Variants in SLC35D4 observed in about 807,000 individuals in gnomAD.
SLC35D4 encodes solute carrier family 35 member D4, also known as UDP-N-acetylglucosamine transporter SLC35D4.
At chr18:23,396,707 A>G in the SLC35D4 span, among the ~76,000 whole-genome samples, 1 of 152,120 alleles carries the variant, frequency 6.6e-6, no homozygotes, top group South Asian at 2.1e-4. Context: ...TGAGCCCAAG[A>G]GTTTGAGGCC....
chr18:23,294,629 C>A, the SLC35D4 span, among the ~76,000 whole-genome samples: 1 of 152,000 alleles, frequency 6.6e-6, no homozygotes, highest in Admixed American at 6.6e-5. Context: ...TGGAGTGGTA[C>A]GTGCCTGTAG....
chr18:23,355,217 C>T, the SLC35D4 span, among the ~76,000 whole-genome samples: 1 of 152,096 alleles, frequency 6.6e-6, no homozygotes, highest in Non-Finnish European at 1.5e-5. Context: ...TAAAACAAAA[C>T]CCTGATTTAT....
At chr18:23,388,770 T>C in the SLC35D4 span, among the ~76,000 whole-genome samples, 1 of 152,200 alleles carries the variant, frequency 6.6e-6, no homozygotes, top group East Asian at 1.9e-4. Context: ...GCTGTTCTTA[T>C]GATAGTGGTT....
the SLC35D4 span, among the ~76,000 whole-genome samples, chr18:23,343,572 T>A: frequency 6.6e-6 from 1 of 152,146 alleles, no homozygotes; most frequent in African/African-American, 2.4e-5. Flanking sequence ...TATTTTTTGT[T>A]AACTTTTAGG....
At chr18:23,257,452 G>A in the SLC35D4 span, 2 of 1,417,246 alleles carry the variant, frequency 1.4e-6, no homozygotes, top group Non-Finnish European at 1.9e-6. Context: ...AAAAAAAGTA[G>A]AACTCAGAAT....
chr18:23,408,301 A>G, the SLC35D4 span, among the ~76,000 whole-genome samples: 3 of 152,192 alleles, frequency 2.0e-5, no homozygotes, highest in South Asian at 6.2e-4. Flanking sequence ...CACAAGGGCA[A>G]CAATCTTTGT....
the SLC35D4 span, among the ~76,000 whole-genome samples, chr18:23,403,621 T>C: frequency 6.6e-6 from 1 of 152,186 alleles, no homozygotes; most frequent in Non-Finnish European, 1.5e-5. Context: ...CTGGCTGTAG[T>C]ACGGAGAACA....
At chr18:23,372,284 G>C in the SLC35D4 span, among the ~76,000 whole-genome samples, 1 of 152,128 alleles carries the variant, frequency 6.6e-6, no homozygotes, top group Admixed American at 6.5e-5. Flanking sequence ...CCCTCTCCTA[G>C]ATTGCACATT....
the SLC35D4 span, among the ~76,000 whole-genome samples, chr18:23,272,644 AC>A: frequency 7.5e-4 from 114 of 151,894 alleles, no homozygotes; most frequent in Middle Eastern, 0.01. Flanking sequence ...AAGAACCAAA[AC>A]CTTTTATCCT....
At chr18:23,276,817 T>C in the SLC35D4 span, among the ~76,000 whole-genome samples, 1 of 151,834 alleles carries the variant, frequency 6.6e-6, no homozygotes, top group African/African-American at 2.4e-5. Flanking sequence ...TTGCCAGGAG[T>C]GGTAGCCAAA....
At chr18:23,287,645 C>T in the SLC35D4 span, among the ~76,000 whole-genome samples, 89,733 of 151,594 alleles carry the variant, frequency 0.59, 27,045 homozygotes, top group Middle Eastern at 0.7. Context: ...AAAACCATTA[C>T]ATAAACTCAC....
the SLC35D4 span, chr18:23,253,603 T>C: frequency 1.3e-6 from 1 of 784,004 alleles, no homozygotes; most frequent in Admixed American, 2.5e-5. Flanking sequence ...CCCAGGGACT[T>C]AATCCCAGTC....
the SLC35D4 span, among the ~76,000 whole-genome samples, chr18:23,267,410 A>G: frequency 6.6e-6 from 1 of 151,596 alleles, no homozygotes; most frequent in Non-Finnish European, 1.5e-5. Flanking sequence ...TGCCCCTTCC[A>G]CCTGTCCCGT....
chr18:23,307,196 C>T, the SLC35D4 span, among the ~76,000 whole-genome samples: 5 of 152,210 alleles, frequency 3.3e-5, no homozygotes, highest in African/African-American at 1.2e-4. Context: ...GAGCGACTTT[C>T]GCTTTTTACT....
chr18:23,367,196 T>A, the SLC35D4 span, among the ~76,000 whole-genome samples: 14 of 152,148 alleles, frequency 9.2e-5, no homozygotes, highest in African/African-American at 3.4e-4. Context: ...AGGGGATGAA[T>A]ATAAGAAATA....
chr18:23,430,520 AAT>A, the SLC35D4 span: 779 of 836,976 alleles, frequency 9.3e-4, 11 homozygotes, highest in South Asian at 0.013. Flanking sequence ...AATATCTTAC[AAT>A]ATGTCTATTT....
At chr18:23,398,845 A>G in the SLC35D4 span, among the ~76,000 whole-genome samples, 1 of 152,260 alleles carries the variant, frequency 6.6e-6, no homozygotes, top group Non-Finnish European at 1.5e-5. Flanking sequence ...AAGTCAGAAT[A>G]CAACTATTTT....
At chr18:23,359,926 T>C in the SLC35D4 span, among the ~76,000 whole-genome samples, 1 of 152,220 alleles carries the variant, frequency 6.6e-6, no homozygotes, top group Non-Finnish European at 1.5e-5. Context: ...CAAGGAAGGT[T>C]CTGAGATTCT....
the SLC35D4 span, among the ~76,000 whole-genome samples, chr18:23,282,315 C>A: frequency 6.6e-6 from 1 of 152,202 alleles, no homozygotes; most frequent in South Asian, 2.1e-4. Context: ...TCAGACTCCC[C>A]CCCAGTTGAT....
Sources: gnomAD v4.1 joint callset for allele counts (sites outside exome capture counted in the v4.1 genomes callset) on GRCh38, gnomAD v4.1.1 for gene constraint, MANE v1.5 for transcripts, NCBI Gene and HGNC (gene_info 2026-07-23, HGNC 2026-07-21) for gene names.